The following SCN2A variants were observed in gnomAD, a reference collection of about 807,000 sequenced individuals.
SCN2A encodes sodium channel protein type 2 subunit alpha.
In SCN2A, 20 loss-of-function variants were observed where a neutral mutation model predicts 188.7. The ratio of observed to expected loss-of-function variants is 0.11; its 90% confidence interval spans 0.07 to 0.15. SCN2A has a LOEUF of 0.15. SCN2A is among the 10% of genes least tolerant of loss of function. SCN2A has a pLI of 1.00. For missense variants in SCN2A, 1,278 were observed against 2,445.0 expected (o/e 0.52, Z 10.07); for synonymous variants, 804 against 833.1 (o/e 0.97, Z 0.60).
chr2:165,370,448 A>G, intron 20 of SCN2A, 149 bp downstream of exon 20: 3 of 796,018 alleles, frequency 3.8e-6, no homozygotes, highest in Non-Finnish European at 4.3e-6. Flanking sequence ...GATGCCTCAA[A>G]ACATTTTTTA....
At chr2:165,311,970 C>T (rs182616186) in intron 7 of SCN2A, 55 bp from the exon 8 acceptor site, 1 of 1,298,570 alleles carries the variant, frequency 7.7e-7, no homozygotes, top group East Asian at 2.3e-5. Context: ...AACAGGGTGG[C>T]TGAAGTGTTT....
chr2:165,310,521 C>T lies in SCN2A; in HGVS notation c.896C>T (p.Ser299Leu), dbSNP rs767386387. 4 of 1,613,018 alleles carry T rather than the reference C, an allele frequency of 2.5e-6. No homozygotes were observed. The highest frequency in any genetic ancestry group is 1.7e-4 in the Middle Eastern group (1 of 6,054). Residue 299 changes from serine (S) to leucine (L), a missense_variant, in exon 7 of 27, where the codon TCA becomes TTA. Transcript: ENST00000375437. The part of the protein sequence containing the change: ...EINITSFFNN[S>L]LDGNGTTFNR... The stretch of plus-strand genomic sequence containing the variant: ...AATATCACTTCCTTCTTTAACAATT[C>T]ATTGGATGGGAATGGTACTACTTTC...
At chr2:165,317,736 G>T (rs1012152585) in intron 11 of SCN2A, among the ~76,000 whole-genome samples, 1 of 152,004 alleles carries the variant, frequency 6.6e-6, no homozygotes, top group East Asian at 1.9e-4. Context: ...CAGCTAGTTG[G>T]GTATTATAAG....
chr2:165,326,577 C>T (rs557423340), intron 12 of SCN2A, among the ~76,000 whole-genome samples: 22 of 152,330 alleles, frequency 1.4e-4, no homozygotes, highest in African/African-American at 5.3e-4. Flanking sequence ...AAAAGGTTAT[C>T]TGTCCAGTAG....
chr2:165,316,360 A>G (rs913897588), intron 11 of SCN2A, among the ~76,000 whole-genome samples: 2 of 152,172 alleles, frequency 1.3e-5, no homozygotes, highest in Non-Finnish European at 2.9e-5. Flanking sequence ...TGGGACTTGC[A>G]TTTGAAGAAT....
intron 3 of SCN2A, among the ~76,000 whole-genome samples, chr2:165,301,752 G>A (rs1316526745): frequency 6.6e-6 from 1 of 152,106 alleles, no homozygotes; most frequent in Non-Finnish European, 1.5e-5. Flanking sequence ...ATTGCACAAA[G>A]AACTTTATAG....
At chr2:165,253,037 G>T (rs1040158045) in intron 1 of SCN2A, among the ~76,000 whole-genome samples, 2 of 152,002 alleles carry the variant, frequency 1.3e-5, no homozygotes, top group Admixed American at 1.3e-4. Flanking sequence ...TCTGTGTTGG[G>T]TCTCATCACA....
intron 23 of SCN2A, 146 bp from the exon 24 acceptor site, chr2:165,380,446 G>A: frequency 1.6e-6 from 1 of 607,940 alleles, no homozygotes. Flanking sequence ...AAGCATGTGA[G>A]ATTTGAAGGT....
At chr2:165,359,688 A>G (rs961853068) in intron 17 of SCN2A, among the ~76,000 whole-genome samples, 2 of 152,070 alleles carry the variant, frequency 1.3e-5, no homozygotes, top group Non-Finnish European at 2.9e-5. Context: ...ACACCTGTCT[A>G]TGACTTTATC....
intron 1 of SCN2A, chr2:165,245,314 T>A (rs1042490291): frequency 6.6e-6 from 1 of 152,190 alleles, no homozygotes; most frequent in African/African-American, 2.4e-5. Context: ...TCTCACTCGA[T>A]CTGATGGTTT....
chr2:165,264,763 C>G (rs777920095), intron 1 of SCN2A, among the ~76,000 whole-genome samples: 1 of 152,056 alleles, frequency 6.6e-6, no homozygotes, highest in Non-Finnish European at 1.5e-5. Context: ...ATAATGGCCT[C>G]GTGCTCCAAC....
At chr2:165,253,064 T>A (rs1196293915) in intron 1 of SCN2A, among the ~76,000 whole-genome samples, 3 of 152,054 alleles carry the variant, frequency 2.0e-5, no homozygotes, top group African/African-American at 7.2e-5. Flanking sequence ...TGGGGGACAT[T>A]TGTAAGTTTT....
rs3754966 is a variant in SCN2A, at chr2:165,388,424, T to C, written c.4823-205T>C. Among the ~76,000 whole-genome samples, 138 of 152,312 alleles carry C rather than the reference T, an allele frequency of 9.1e-4. No individual in the cohort carries two copies. In the East Asian group the frequency reaches 0.015, roughly 16 times the overall value. ...CTTGAACTAGGAAAAATGGCCCTTA[T>C]TATCTTCATTTAATATAAAGATGTA... On this transcript the variant is annotated intron_variant, in intron 26 of 26. Coordinates refer to ENST00000375437, the MANE Select transcript of SCN2A (RefSeq NM_001040142.2).
At chr2:165,367,424 T>C (rs2105359944) in intron 19 of SCN2A, 53 bp downstream of exon 19, 1 of 1,587,100 alleles carries the variant, frequency 6.3e-7, no homozygotes, top group African/African-American at 1.3e-5. Context: ...CTTTTCCCTT[T>C]CCCTTCAATC....
At chr2:165,323,552 G>T in intron 12 of SCN2A, 52 bp downstream of exon 12, 1 of 1,496,558 alleles carries the variant, frequency 6.7e-7, no homozygotes, top group South Asian at 1.2e-5. Flanking sequence ...GACTGGTGCA[G>T]GCAGGAGTGT....
intron 17 of SCN2A, among the ~76,000 whole-genome samples, chr2:165,358,822 A>G (rs970571445): frequency 6.6e-6 from 1 of 152,106 alleles, no homozygotes; most frequent in South Asian, 2.1e-4. Flanking sequence ...GGGTGTTTTT[A>G]AAATGAAGAG....
At chr2:165,314,857 G>C (rs1443469596) in intron 10 of SCN2A, among the ~76,000 whole-genome samples, 2 of 152,036 alleles carry the variant, frequency 1.3e-5, no homozygotes, top group African/African-American at 2.4e-5. Context: ...TGTAATAAAG[G>C]TCAAAGTATA....
rs144767359 is a variant in SCN2A at position 165,352,690 on chromosome 2, G to T, written c.2920-1502G>T. Reference sequence around the variant, plus strand: ...AACCACAGTCAAAATGTTGTTTCCTGAACTAAATTATTAAAAATATTGTAT... The same window carrying T: ...AACCACAGTCAAAATGTTGTTTCCTTAACTAAATTATTAAAAATATTGTAT... On this transcript the variant is annotated intron_variant, in intron 16 of 26. Coordinates refer to ENST00000375437, the MANE Select transcript of SCN2A (RefSeq NM_001040142.2). Among the ~76,000 whole-genome samples, 1,327 of 152,068 alleles carry T rather than the reference G, an allele frequency of 8.7e-3. 9 individuals are homozygous for T. The highest frequency in any genetic ancestry group is 0.012 in the Non-Finnish European group (785 of 67,964).
At chr2:165,364,322 T>C (rs73025932) in intron 17 of SCN2A, among the ~76,000 whole-genome samples, 5,945 of 152,242 alleles carry the variant, frequency 0.039, 376 homozygotes, top group African/African-American at 0.13. Flanking sequence ...GATCCCTTCA[T>C]GTATGCTGAT....
Sources: gnomAD v4.1 joint callset for allele counts (sites outside exome capture counted in the v4.1 genomes callset) on GRCh38, gnomAD v4.1.1 for gene constraint, MANE v1.5 for transcripts, NCBI Gene and HGNC (gene_info 2026-07-23, HGNC 2026-07-21) for gene names.